The following AMOTL1 variants were observed in gnomAD, a reference collection of about 807,000 sequenced individuals.
AMOTL1 encodes angiomotin-like protein 1.
AMOTL1 carries 45 observed loss-of-function variants against 102.9 expected under a neutral mutation model. That is an observed-to-expected ratio of 0.44 (90% CI 0.34 to 0.56). AMOTL1 has a LOEUF of 0.56. Among genes scored for constraint, AMOTL1 ranks in the 20% least tolerant of loss-of-function variants. The pLI is 0.01. For synonymous variants in AMOTL1, 481 were observed against 484.7 expected, an observed-to-expected ratio of 0.99 and a Z score of 0.10; for missense variants, 1,114 against 1,225.6, an observed-to-expected ratio of 0.91 and a Z score of 1.36.
chr11:94,829,093 TC>T (rs1952023220), intron 4 of AMOTL1, among the ~76,000 whole-genome samples: 1 of 152,222 alleles, frequency 6.6e-6, no homozygotes, highest in African/African-American at 2.4e-5. Context: ...ATTAAAGGCT[TC>T]CCCAGTTAGT....
chr11:94,831,245 G>T (rs1304973431), intron 5 of AMOTL1, among the ~76,000 whole-genome samples: 1 of 152,150 alleles, frequency 6.6e-6, no homozygotes, highest in Non-Finnish European at 1.5e-5. Context: ...TTTGGCATTA[G>T]ATCGCATAAA....
intron 1 of AMOTL1, among the ~76,000 whole-genome samples, chr11:94,788,443 TC>T (rs1378943648): frequency 3.9e-5 from 6 of 152,196 alleles, no homozygotes; most frequent in Admixed American, 3.3e-4. Context: ...CGATCTTCCC[TC>T]ACTACCACCT....
chr11:94,839,730 C>T (rs1046634406), intron 6 of AMOTL1, among the ~76,000 whole-genome samples: 1 of 152,098 alleles, frequency 6.6e-6, no homozygotes, highest in Non-Finnish European at 1.5e-5. Flanking sequence ...TTTTTGCTTC[C>T]CCTTTTCCAA....
At position 94,855,785 on chromosome 11, in the gene AMOTL1, C is replaced by A. The variant is rs142200277; in HGVS notation, c.1944+1703C>A. The stretch of plus-strand genomic sequence containing the variant: ...TAGTTGGCTGTATGCACACTCAGAC[C>A]CATGCACGCTCACCCACACAGTTTC... On this transcript the variant is annotated intron_variant, in intron 8 of 12. Transcript: ENST00000433060. 2.0e-4 allele frequency among the ~76,000 whole-genome samples: 30 copies of A among 152,226 alleles called. No individual in the cohort carries two copies. In the East Asian group the frequency reaches 5.6e-3, roughly 28 times the overall value.
intron 3 of AMOTL1, among the ~76,000 whole-genome samples, chr11:94,747,848 C>G (rs914127868): frequency 3.9e-5 from 6 of 152,138 alleles, no homozygotes; most frequent in African/African-American, 1.2e-4. Flanking sequence ...ATCAGGTGAG[C>G]AAGAATGTTC....
intron 1 of AMOTL1, among the ~76,000 whole-genome samples, chr11:94,724,096 G>A (rs760834992): frequency 1.3e-5 from 2 of 152,114 alleles, no homozygotes; most frequent in African/African-American, 4.8e-5. Context: ...TGGTGGAGAA[G>A]GAAGATCCCA....
rs1950450368 is a variant in AMOTL1 at position 94,737,204 on chromosome 11, G to A, written c.86-3734G>A. Among the ~76,000 whole-genome samples, 3 of 152,148 alleles carry A rather than the reference G, an allele frequency of 2.0e-5. No homozygotes were observed. The South Asian group carries it at 6.2e-4, about 32-fold the overall frequency. On this transcript the variant is annotated intron_variant, in intron 2 of 4. Transcript: ENST00000299004. The stretch of plus-strand genomic sequence containing the variant: ...GGCTCCAGAACCTAATCACCCTGTG[G>A]AGCACTGGCAACGCTCTTCATAGGG...
rs144689214 is a variant in AMOTL1 at position 94,868,138 on chromosome 11, A to C, written c.2489-1060A>C. Among the ~76,000 whole-genome samples the C allele has an allele frequency of 2.6e-5, 4 of 152,322 alleles. No individual in the cohort carries two copies. The East Asian group carries it at 7.7e-4, about 29-fold the overall frequency. On this transcript the variant is annotated intron_variant, in intron 11 of 12. Transcript: ENST00000433060. The stretch of plus-strand genomic sequence containing the variant: ...TGGATCAGGTCTTCCTTTTAACGGT[A>C]TAGCCAAGTCATTGTTATGCACATT...
chr11:94,714,518 T>A (rs1950067532), intron 1 of AMOTL1, among the ~76,000 whole-genome samples: 1 of 152,110 alleles, frequency 6.6e-6, no homozygotes, highest in Admixed American at 6.5e-5. Context: ...TGGAAATTTC[T>A]TTTTGGAGAG....
chr11:94,791,285 T>C (rs1054568725), intron 1 of AMOTL1, among the ~76,000 whole-genome samples: 6 of 152,204 alleles, frequency 3.9e-5, no homozygotes, highest in Non-Finnish European at 7.3e-5. Flanking sequence ...TTTCATCCTT[T>C]GTGGAGTGCA....
Position 94,795,185 on chromosome 11 carries a change from G to T in AMOTL1, c.199+25G>T, listed in dbSNP as rs762093789. The T allele has an allele frequency of 1.1e-5, 18 of 1,611,042 alleles. No individual in the cohort carries two copies. The South Asian group carries it at 2.0e-4, about 18-fold the overall frequency. The stretch of plus-strand genomic sequence containing the variant: ...GGTAAGTCCTTTTACCGGCACTTGT[G>T]TTGGAAAAGCAAAATGATCTTACGT... On this transcript the variant is annotated intron_variant, in intron 2 of 12. Transcript: ENST00000433060.
At chr11:94,850,491 A>T (rs1952512292) in intron 7 of AMOTL1, among the ~76,000 whole-genome samples, 1 of 152,156 alleles carries the variant, frequency 6.6e-6, no homozygotes, top group Non-Finnish European at 1.5e-5. Flanking sequence ...AAGCACTCAC[A>T]CTCGGTGTGA....
At chr11:94,840,872 C>T (rs1310145042) in intron 6 of AMOTL1, among the ~76,000 whole-genome samples, 1 of 151,734 alleles carries the variant, frequency 6.6e-6, no homozygotes, top group Non-Finnish European at 1.5e-5. Flanking sequence ...GTAAAATTTA[C>T]ACACTTAAAT....
At chr11:94,783,157 A>C (rs1187964477) in intron 1 of AMOTL1, among the ~76,000 whole-genome samples, 1 of 152,204 alleles carries the variant, frequency 6.6e-6, no homozygotes, top group Non-Finnish European at 1.5e-5. Flanking sequence ...GGGTTGAATC[A>C]TAGTTTTATT....
chr11:94,730,542 G>A (rs1243178098), intron 2 of AMOTL1, among the ~76,000 whole-genome samples: 2 of 152,138 alleles, frequency 1.3e-5, no homozygotes, highest in African/African-American at 4.8e-5. Flanking sequence ...ACTGTATTGT[G>A]CTTGCCTGAA....
chr11:94,808,489 AT>A (rs1394059191), intron 3 of AMOTL1, among the ~76,000 whole-genome samples: 1 of 152,056 alleles, frequency 6.6e-6, no homozygotes, highest in Non-Finnish European at 1.5e-5. Flanking sequence ...CAAACAAGCC[AT>A]TTTTTATTAC....
At chr11:94,865,525 G>T (rs1342064975) in intron 10 of AMOTL1, among the ~76,000 whole-genome samples, 2 of 152,120 alleles carry the variant, frequency 1.3e-5, no homozygotes, top group African/African-American at 4.8e-5. Context: ...TGTTCATCTT[G>T]GTTCTTTTTT....
intron 7 of AMOTL1, 76 bp downstream of exon 7, chr11:94,850,335 C>G (rs1311902063): frequency 1.4e-6 from 2 of 1,478,554 alleles, no homozygotes; most frequent in South Asian, 2.8e-5. Context: ...CTTTTCCTAA[C>G]CCACCTACTT....
chr11:94,860,196 A>G (rs530667643), intron 9 of AMOTL1, among the ~76,000 whole-genome samples: 14 of 152,344 alleles, frequency 9.2e-5, no homozygotes, highest in African/African-American at 2.6e-4. Context: ...TAATCCCCAT[A>G]GCAGCCCTGA....
Sources: gnomAD v4.1 joint callset for allele counts (sites outside exome capture counted in the v4.1 genomes callset) on GRCh38, gnomAD v4.1.1 for gene constraint, MANE v1.5 for transcripts, NCBI Gene and HGNC (gene_info 2026-07-23, HGNC 2026-07-21) for gene names.